The following SUPT3H variants were observed in gnomAD, a reference collection of about 807,000 sequenced individuals.
SUPT3H encodes SPT3 homolog, SAGA and STAGA complex component, also known as transcription initiation protein SPT3 homolog.
SUPT3H carries 44 observed loss-of-function variants against 44.3 expected under a neutral mutation model. That is an observed-to-expected ratio of 0.99 (90% confidence interval 0.78 to 1.28). SUPT3H has a LOEUF of 1.28. Among genes scored for constraint, SUPT3H ranks in the 50% most tolerant of loss-of-function variants. SUPT3H has a pLI of 0.00. For missense variants in SUPT3H, 380 were observed against 387.1 expected, an observed-to-expected ratio of 0.98 and a Z score of 0.15; for synonymous variants, 124 against 125.6, an observed-to-expected ratio of 0.99 and a Z score of 0.09.
chr6:45,279,581 A>G (rs2153665565), intron 2 of SUPT3H, among the ~76,000 whole-genome samples: 1 of 152,090 alleles, frequency 6.6e-6, no homozygotes, highest in South Asian at 2.1e-4. Context: ...ATGCCAGCTC[A>G]CCCTTTGCCT....
chr6:44,900,869 T>C (rs2153447987), intron 10 of SUPT3H, among the ~76,000 whole-genome samples: 1 of 152,146 alleles, frequency 6.6e-6, no homozygotes, highest in East Asian at 1.9e-4. Context: ...CTCACCAATA[T>C]CCGCTGTTCT....
chr6:44,934,641 C>T (rs1455936650), intron 9 of SUPT3H, among the ~76,000 whole-genome samples: 1 of 152,154 alleles, frequency 6.6e-6, no homozygotes, highest in Admixed American at 6.5e-5. Flanking sequence ...GGAATTAGTT[C>T]CCTTTTAAAG....
intron 2 of SUPT3H, among the ~76,000 whole-genome samples, chr6:45,126,566 A>C (rs532674922): frequency 6.6e-6 from 1 of 152,326 alleles, no homozygotes; most frequent in South Asian, 2.1e-4. Context: ...GCAAAAGTTC[A>C]GAAGGAATTT....
intron 10 of SUPT3H, among the ~76,000 whole-genome samples, chr6:44,898,306 T>C (rs1041649962): frequency 1.1e-4 from 17 of 152,176 alleles, no homozygotes; most frequent in African/African-American, 4.1e-4. Flanking sequence ...ATGTGACCTT[T>C]AGGGTTAGGT....
At chr6:45,201,444 G>C (rs934831846) in intron 2 of SUPT3H, among the ~76,000 whole-genome samples, 3 of 151,620 alleles carry the variant, frequency 2.0e-5, no homozygotes, top group Non-Finnish European at 4.4e-5. Flanking sequence ...TCTATAATGA[G>C]AGTTAGTTAT....
chr6:45,299,049 T>C (rs539124776), intron 2 of SUPT3H, among the ~76,000 whole-genome samples: 4 of 152,286 alleles, frequency 2.6e-5, no homozygotes, highest in African/African-American at 9.6e-5. Flanking sequence ...AAATGTTTTG[T>C]AGAATTACAT....
At chr6:45,178,332 T>C (rs1022413923) in intron 2 of SUPT3H, among the ~76,000 whole-genome samples, 22 of 151,944 alleles carry the variant, frequency 1.4e-4, no homozygotes, top group African/African-American at 4.8e-4. Flanking sequence ...CATTACATAA[T>C]GGTAAAGGGA....
At chr6:44,885,648 A>G (rs1011046186) in intron 10 of SUPT3H, among the ~76,000 whole-genome samples, 4 of 152,166 alleles carry the variant, frequency 2.6e-5, no homozygotes, top group Non-Finnish European at 5.9e-5. Flanking sequence ...AAAGAAGACA[A>G]AACCACAAAG....
chr6:45,229,510 T>C lies in SUPT3H; in HGVS notation c.102-123504A>G, dbSNP rs559906194. On this transcript the variant is annotated intron_variant, in intron 2 of 10. Coordinates refer to ENST00000371459, the MANE Select transcript of SUPT3H (RefSeq NM_003599.4). ...CTGAGTACTTATTACATTCCAGACA[T>C]AGATGGTGTTCTATATATATATAAT... Among the ~76,000 whole-genome samples, 199 of 152,260 alleles carry C rather than the reference T, an allele frequency of 1.3e-3. 1 individual carries two copies. Among genetic ancestry groups the C allele is most frequent in the Non-Finnish European group, 1.2e-3 (82 of 68,010 alleles).
intron 2 of SUPT3H, among the ~76,000 whole-genome samples, chr6:45,159,682 T>C (rs1054325633): frequency 6.6e-6 from 1 of 152,224 alleles, no homozygotes; most frequent in Non-Finnish European, 1.5e-5. Flanking sequence ...TTTAAAGTGT[T>C]CAAATTCCTT....
At chr6:44,930,343 T>A (rs1359556301) in intron 10 of SUPT3H, among the ~76,000 whole-genome samples, 1 of 151,008 alleles carries the variant, frequency 6.6e-6, no homozygotes, top group Non-Finnish European at 1.5e-5. Flanking sequence ...TTCGCGCCAC[T>A]GCATTCCAGC....
chr6:44,986,004 G>C (rs1211695335), intron 6 of SUPT3H, among the ~76,000 whole-genome samples: 2 of 151,924 alleles, frequency 1.3e-5, no homozygotes, highest in Admixed American at 1.3e-4. Flanking sequence ...AGATAATGAG[G>C]GTTCACGTTT....
intron 11 of SUPT3H, among the ~76,000 whole-genome samples, chr6:44,821,581 T>C (rs760495119): frequency 2.0e-4 from 31 of 152,176 alleles, no homozygotes; most frequent in Non-Finnish European, 3.2e-4. Context: ...GGAAATAGCC[T>C]ATCCATATGA....
intron 2 of SUPT3H, among the ~76,000 whole-genome samples, chr6:45,363,216 G>T (rs1441676488): frequency 2.6e-5 from 4 of 152,106 alleles, no homozygotes; most frequent in Non-Finnish European, 4.4e-5. Flanking sequence ...ATAAGCCTGG[G>T]TATGGTACAG....
At chr6:45,149,064 T>C (rs1367469133) in intron 2 of SUPT3H, among the ~76,000 whole-genome samples, 2 of 152,232 alleles carry the variant, frequency 1.3e-5, no homozygotes, top group Non-Finnish European at 2.9e-5. Flanking sequence ...TTCTCTTTTG[T>C]GTGAACTGTT....
chr6:45,294,733 C>CAAAAAA (rs56281990), intron 2 of SUPT3H, among the ~76,000 whole-genome samples: 10 of 36,202 alleles, frequency 2.8e-4, no homozygotes, highest in Non-Finnish European at 4.1e-4. Flanking sequence ...ACAATAGCTG[C>CAAAAAA]AAAAAAAAAA....
chr6:44,877,468 C>CAAAAAAAAAAA (rs5875897), intron 10 of SUPT3H, among the ~76,000 whole-genome samples: 21 of 122,468 alleles, frequency 1.7e-4, no homozygotes, highest in Admixed American at 4.2e-4. Flanking sequence ...GACTCAGTCT[C>CAAAAAAAAAAA]AAAAAAAAAA....
At chr6:44,936,165 T>A (rs12190313) in intron 9 of SUPT3H, among the ~76,000 whole-genome samples, 2 of 152,090 alleles carry the variant, frequency 1.3e-5, no homozygotes. Flanking sequence ...ATTGTCTTTC[T>A]CCTGTTACAC....
chr6:44,988,518 A>AC lies in SUPT3H; in HGVS notation c.504+15134_504+15135insG, dbSNP rs1780136427. 5.6e-5 allele frequency among the ~76,000 whole-genome samples: 5 copies of AC among 89,844 alleles called. No homozygotes were observed. The Admixed American group carries it at 6.5e-4, about 12-fold the overall frequency. 58.9% of individuals were successfully genotyped at this position (89,844 alleles called of 152,430 possible). ...TACAGACTATGTATGAAAGGCTTAAATAAAAAAAAAAAAAAAAAAAAAAAA... is the reference window on the plus strand; with the variant it reads ...TACAGACTATGTATGAAAGGCTTAAACTAAAAAAAAAAAAAAAAAAAAAAAA... On this transcript the variant is annotated intron_variant, in intron 6 of 10. Coordinates refer to ENST00000371459, the MANE Select transcript of SUPT3H (RefSeq NM_003599.4).
Sources: gnomAD v4.1 joint callset for allele counts (sites outside exome capture counted in the v4.1 genomes callset) on GRCh38, gnomAD v4.1.1 for gene constraint, MANE v1.5 for transcripts, NCBI Gene and HGNC (gene_info 2026-07-23, HGNC 2026-07-21) for gene names.